Variants in CTNNA3 observed in about 807,000 individuals in gnomAD.
The protein encoded by CTNNA3 is catenin alpha 3.
CTNNA3 carries 76 observed loss-of-function variants against 95.7 expected under a neutral mutation model. That is an observed-to-expected ratio of 0.79 (90% confidence interval 0.66 to 0.96). The LOEUF is 0.96. CTNNA3 is among the 40% of genes least tolerant of loss of function. CTNNA3 has a pLI of 0.00. For synonymous variants in CTNNA3, 431 were observed against 374.4 expected, an observed-to-expected ratio of 1.15 and a Z score of -1.74; for missense variants, 1,191 against 1,089.8, an observed-to-expected ratio of 1.09 and a Z score of -1.31.
intron 13 of CTNNA3, among the ~76,000 whole-genome samples, chr10:66,208,756 C>G (rs1328456316): frequency 6.6e-6 from 1 of 151,842 alleles, no homozygotes; most frequent in Non-Finnish European, 1.5e-5. Flanking sequence ...ACATGACGAC[C>G]ACCACCAGCC....
chr10:67,312,119 C>T (rs1011994677), intron 5 of CTNNA3, among the ~76,000 whole-genome samples: 2 of 149,914 alleles, frequency 1.3e-5, no homozygotes, highest in Non-Finnish European at 3.0e-5. Flanking sequence ...GTCACCCAGG[C>T]TGGAGTGCAG....
intron 7 of CTNNA3, among the ~76,000 whole-genome samples, chr10:67,081,702 C>G (rs1164502420): frequency 2.0e-5 from 3 of 152,100 alleles, no homozygotes; most frequent in Non-Finnish European, 2.9e-5. Flanking sequence ...TCTCCTGGAC[C>G]AGCTATGCTG....
rs58907458 is a variant in CTNNA3 at position 66,647,678 on chromosome 10, AT to A, written c.1282-25895del. On this transcript the variant is annotated intron_variant, in intron 9 of 17. Coordinates refer to ENST00000433211, the MANE Select transcript of CTNNA3 (RefSeq NM_013266.4). ...GGCACCTGCCACCACGCCCAGCTAA[AT>A]TTTTTTTTTTTTTGTATTTTTAGTA... Among the ~76,000 whole-genome samples, 551 of 142,332 alleles carry A rather than the reference AT, an allele frequency of 3.9e-3. 3 individuals carry two copies. The Middle Eastern group carries it at 0.053, about 14-fold the overall frequency. The allele number at this position is 142,332 out of a possible 152,430, so 93.4% of individuals were successfully genotyped here. A position where few individuals can be genotyped will look rare whatever the true frequency, so the allele number is the denominator to read the frequency against.
chr10:66,317,321 C>T (rs2092115689), intron 12 of CTNNA3, among the ~76,000 whole-genome samples: 2 of 151,970 alleles, frequency 1.3e-5, no homozygotes, highest in Admixed American at 6.6e-5. Context: ...GCCATTTCTA[C>T]ATAATTCCTC....
At chr10:66,854,170 T>C (rs1843601808) in intron 7 of CTNNA3, among the ~76,000 whole-genome samples, 1 of 151,994 alleles carries the variant, frequency 6.6e-6, no homozygotes, top group South Asian at 2.1e-4. Context: ...AGTTGACACA[T>C]TTAGGGATCA....
At chr10:67,265,924 T>C (rs1866806188) in intron 5 of CTNNA3, among the ~76,000 whole-genome samples, 1 of 152,092 alleles carries the variant, frequency 6.6e-6, no homozygotes, top group Non-Finnish European at 1.5e-5. Context: ...ACCCCGGAGA[T>C]TCCAAAATGA....
chr10:67,554,601 G>A (rs572384070), intron 3 of CTNNA3, among the ~76,000 whole-genome samples: 1 of 152,034 alleles, frequency 6.6e-6, no homozygotes, highest in South Asian at 2.1e-4. Context: ...GTTTGATGGG[G>A]TTGATTTTTT....
At chr10:67,185,316 G>A (rs1157415864) in intron 6 of CTNNA3, among the ~76,000 whole-genome samples, 1 of 151,690 alleles carries the variant, frequency 6.6e-6, no homozygotes, top group Non-Finnish European at 1.5e-5. Flanking sequence ...TTAGTAGAGA[G>A]AGGGTTTCAC....
chr10:67,592,319 T>C (rs1842814025), intron 3 of CTNNA3, among the ~76,000 whole-genome samples: 1 of 152,144 alleles, frequency 6.6e-6, no homozygotes, highest in South Asian at 2.1e-4. Flanking sequence ...AAGAATTTGC[T>C]GAACTGCTGG....
intron 13 of CTNNA3, among the ~76,000 whole-genome samples, chr10:66,220,369 C>T (rs185349506): frequency 1.2e-4 from 19 of 152,152 alleles, no homozygotes; most frequent in Admixed American, 1.0e-3. Flanking sequence ...TTTACTCAGC[C>T]GGTAGTTCTC....
At chr10:67,529,030 C>G (rs967215870) in intron 4 of CTNNA3, among the ~76,000 whole-genome samples, 1 of 151,902 alleles carries the variant, frequency 6.6e-6, no homozygotes, top group African/African-American at 2.4e-5. Context: ...GTTCTCACTA[C>G]CAAAAATTGA....
chr10:67,592,554 A>G (rs1490717180), intron 3 of CTNNA3, among the ~76,000 whole-genome samples: 1 of 152,220 alleles, frequency 6.6e-6, no homozygotes, highest in Non-Finnish European at 1.5e-5. Context: ...AGTACCTTCA[A>G]GGAAGTTGCA....
intron 15 of CTNNA3, among the ~76,000 whole-genome samples, chr10:65,997,853 C>T (rs546994356): frequency 6.6e-6 from 1 of 152,124 alleles, no homozygotes. Context: ...CCCATCTGTA[C>T]TAAAAATACC....
intron 15 of CTNNA3, among the ~76,000 whole-genome samples, chr10:66,039,199 G>A (rs997222563): frequency 4.6e-5 from 7 of 152,142 alleles, no homozygotes; most frequent in African/African-American, 1.7e-4. Flanking sequence ...GGAGGTGAAA[G>A]ATATCTACAA....
At chr10:67,528,171 A>G (rs6480267) in intron 4 of CTNNA3, among the ~76,000 whole-genome samples, 60,410 of 152,078 alleles carry the variant, frequency 0.4, 15,333 homozygotes, top group African/African-American at 0.69. Context: ...AGGACATTCA[A>G]TTCTTTAGGG....
intron 11 of CTNNA3, among the ~76,000 whole-genome samples, chr10:66,385,313 C>T (rs1171641735): frequency 6.6e-6 from 1 of 152,138 alleles, no homozygotes; most frequent in East Asian, 1.9e-4. Context: ...CTATAAACAC[C>T]TCTACGCAAA....
intron 1 of CTNNA3, among the ~76,000 whole-genome samples, chr10:67,687,814 T>C (rs185108050): frequency 2.0e-5 from 3 of 152,284 alleles, no homozygotes; most frequent in East Asian, 1.9e-4. Context: ...GTGGACATCA[T>C]TGAATAATTC....
intron 5 of CTNNA3, among the ~76,000 whole-genome samples, chr10:67,227,015 C>T (rs1589050289): frequency 1.3e-5 from 2 of 151,994 alleles, no homozygotes; most frequent in Admixed American, 6.6e-5. Context: ...CATGTAAAGA[C>T]TCACATAAAC....
chr10:67,558,848 C>T (rs1245860769), intron 3 of CTNNA3, among the ~76,000 whole-genome samples: 5 of 152,212 alleles, frequency 3.3e-5, no homozygotes, highest in South Asian at 4.1e-4. Context: ...CCGCACATGG[C>T]TCGGAGGGTC....
Sources: gnomAD v4.1 joint callset for allele counts (sites outside exome capture counted in the v4.1 genomes callset) on GRCh38, gnomAD v4.1.1 for gene constraint, MANE v1.5 for transcripts, NCBI Gene and HGNC (gene_info 2026-07-23, HGNC 2026-07-21) for gene names.